GPR158: variants seen among roughly 807,000 people sequenced by gnomAD.
The protein encoded by GPR158 is G protein-coupled receptor 158.
In GPR158, 30 loss-of-function variants were observed where a neutral mutation model predicts 78.2. That is an observed-to-expected ratio of 0.38 (90% CI 0.29 to 0.52). The LOEUF is 0.52. GPR158 is among the 20% of genes least tolerant of loss of function. The pLI is 0.83. For missense variants in GPR158, 1,463 were observed against 1,523.5 expected, an observed-to-expected ratio of 0.96 and a Z score of 0.66; for synonymous variants, 581 against 591.1, an observed-to-expected ratio of 0.98 and a Z score of 0.25.
chr10:25,316,440 G>C (rs966656360), intron 2 of GPR158, among the ~76,000 whole-genome samples: 1 of 152,132 alleles, frequency 6.6e-6, no homozygotes, highest in Non-Finnish European at 1.5e-5. Context: ...TTTGCAAATG[G>C]TTGCAAGAAA....
intron 2 of GPR158, among the ~76,000 whole-genome samples, chr10:25,391,463 C>G (rs554995819): frequency 6.6e-6 from 1 of 151,102 alleles, no homozygotes; most frequent in East Asian, 1.9e-4. Flanking sequence ...TCAGCATGAC[C>G]TGGTTGTGAG....
chr10:25,365,208 A>G (rs1564433830), intron 2 of GPR158, among the ~76,000 whole-genome samples: 1 of 151,428 alleles, frequency 6.6e-6, no homozygotes, highest in Non-Finnish European at 1.5e-5. Flanking sequence ...AAAGATAGCA[A>G]TTACATCAAT....
intron 2 of GPR158, among the ~76,000 whole-genome samples, chr10:25,390,491 G>A (rs924089664): frequency 7.2e-5 from 11 of 152,228 alleles, no homozygotes; most frequent in African/African-American, 2.7e-4. Context: ...CAAAGAGACT[G>A]GTGGCATTCT....
intron 2 of GPR158, among the ~76,000 whole-genome samples, chr10:25,301,179 T>C (rs1854588663): frequency 6.6e-6 from 1 of 151,998 alleles, no homozygotes; most frequent in African/African-American, 2.4e-5. Flanking sequence ...AAAGGGAGAG[T>C]TGGCAAGGGG....
intron 2 of GPR158, among the ~76,000 whole-genome samples, chr10:25,230,934 T>C (rs900122074): frequency 6.6e-6 from 1 of 152,188 alleles, no homozygotes; most frequent in Admixed American, 6.5e-5. Flanking sequence ...ATATTGGCTA[T>C]ATGTTTGGAC....
chr10:25,336,383 G>A (rs372353807), intron 2 of GPR158, among the ~76,000 whole-genome samples: 4 of 151,986 alleles, frequency 2.6e-5, no homozygotes, highest in African/African-American at 7.2e-5. Flanking sequence ...TCAGTTGGCT[G>A]TTATAGCAGG....
At chr10:25,595,348 A>G (rs1251766329) in intron 9 of GPR158, among the ~76,000 whole-genome samples, 5 of 152,238 alleles carry the variant, frequency 3.3e-5, no homozygotes, top group Non-Finnish European at 7.3e-5. Flanking sequence ...CTATTTTGAT[A>G]CTTTGCATAA....
intron 5 of GPR158, among the ~76,000 whole-genome samples, chr10:25,519,624 C>A (rs1475985620): frequency 6.9e-6 from 1 of 143,948 alleles, no homozygotes; most frequent in Non-Finnish European, 1.5e-5. Flanking sequence ...ATTTCTCCTT[C>A]ACTTACGAAG....
chr10:25,501,469 C>A (rs541030915), intron 5 of GPR158, among the ~76,000 whole-genome samples: 1 of 152,206 alleles, frequency 6.6e-6, no homozygotes, highest in Non-Finnish European at 1.5e-5. Flanking sequence ...TACTAACTTA[C>A]AATTTGCACT....
rs375694516 is a variant in GPR158, at chr10:25,596,102, TAAA to T, written c.1999-537_1999-535del. 1.2e-4 allele frequency among the ~76,000 whole-genome samples: 18 copies of T among 152,012 alleles called. No homozygotes were observed. In the South Asian group the frequency reaches 3.5e-3, roughly 30 times the overall value. ...GATAGAGGTAAGTGCCAAGGAAAAATAAAAAAGCAGGAAATGGACAATATATGA... is the reference window on the plus strand; with the variant it reads ...GATAGAGGTAAGTGCCAAGGAAAAATAAAGCAGGAAATGGACAATATATGA... On this transcript the variant is annotated intron_variant, in intron 9 of 10. Coordinates refer to ENST00000376351, the MANE Select transcript of GPR158 (RefSeq NM_020752.3).
intron 5 of GPR158, among the ~76,000 whole-genome samples, chr10:25,521,089 C>T (rs143876037): frequency 0.01 from 1,567 of 152,326 alleles, 9 homozygotes; most frequent in Non-Finnish European, 0.016. Context: ...CTAAGCCCGT[C>T]GGAAAAGCGC....
At chr10:25,280,302 A>G (rs1360795815) in intron 2 of GPR158, among the ~76,000 whole-genome samples, 1 of 152,248 alleles carries the variant, frequency 6.6e-6, no homozygotes, top group Non-Finnish European at 1.5e-5. Context: ...GAGAATACTA[A>G]TTAAAAGAAA....
intron 5 of GPR158, among the ~76,000 whole-genome samples, chr10:25,483,587 T>TCA (rs1260154736): frequency 1.3e-5 from 2 of 152,152 alleles, no homozygotes; most frequent in African/African-American, 4.8e-5. Flanking sequence ...TTTGCTGTTC[T>TCA]CCTCACCTCA....
At chr10:25,422,572 G>T (rs1834765204) in intron 4 of GPR158, among the ~76,000 whole-genome samples, 1 of 150,086 alleles carries the variant, frequency 6.7e-6, no homozygotes, top group East Asian at 2.0e-4. Context: ...TTCCTCATCT[G>T]AATGCTTTTT....
chr10:25,597,293 C>T (rs1301818681), intron 10 of GPR158, among the ~76,000 whole-genome samples: 2 of 152,206 alleles, frequency 1.3e-5, no homozygotes, highest in East Asian at 3.9e-4. Flanking sequence ...TCAATGGCTG[C>T]ATGATTCTTC....
chr10:25,496,616 TTAAC>T (rs1451046547), intron 5 of GPR158, among the ~76,000 whole-genome samples: 1 of 152,154 alleles, frequency 6.6e-6, no homozygotes, highest in Admixed American at 6.5e-5. Flanking sequence ...AGAAGGAACT[TTAAC>T]TGCTGAAATA....
intron 5 of GPR158, among the ~76,000 whole-genome samples, chr10:25,493,379 A>C (rs1301077767): frequency 6.6e-6 from 1 of 152,158 alleles, no homozygotes; most frequent in African/African-American, 2.4e-5. Context: ...GATAAGCCCC[A>C]TGCTGCTCTT....
At chr10:25,537,736 T>C (rs1223594085) in intron 5 of GPR158, among the ~76,000 whole-genome samples, 1 of 152,098 alleles carries the variant, frequency 6.6e-6, no homozygotes, top group African/African-American at 2.4e-5. Flanking sequence ...TGACTGGATA[T>C]GGGGGTGGAT....
At chr10:25,189,756 T>C (rs1426404420) in intron 1 of GPR158, among the ~76,000 whole-genome samples, 1 of 150,040 alleles carries the variant, frequency 6.7e-6, no homozygotes, top group Non-Finnish European at 1.5e-5. Flanking sequence ...TGCATGTTGT[T>C]CACATGTACC....
Sources: allele counts gnomAD v4.1 joint callset (sites outside exome capture counted in the v4.1 genomes callset), GRCh38; gene constraint gnomAD v4.1.1; transcripts MANE v1.5; gene names NCBI Gene and HGNC (gene_info 2026-07-23, HGNC 2026-07-21).